Variants in PCDH15 observed in about 807,000 individuals in gnomAD.
The protein encoded by PCDH15 is protocadherin-15.
PCDH15 carries 129 observed loss-of-function variants against 178.5 expected under a neutral mutation model. The ratio of observed to expected loss-of-function variants is 0.72; its 90% confidence interval spans 0.63 to 0.84. The LOEUF (loss-of-function observed/expected upper bound fraction) is 0.84, where lower values mean the gene tolerates loss of function less well. PCDH15 is among the 40% of genes least tolerant of loss of function. PCDH15 has a pLI of 0.00. For missense variants in PCDH15, 2,230 were observed against 2,099.9 expected (o/e 1.06, Z -1.21); for synonymous variants, 800 against 732.0 (o/e 1.09, Z -1.50).
intron 18 of PCDH15, among the ~76,000 whole-genome samples, chr10:54,042,069 A>C (rs2093559596): frequency 6.6e-6 from 1 of 152,096 alleles, no homozygotes; most frequent in Non-Finnish European, 1.5e-5. Flanking sequence ...ATGACTGAAG[A>C]ATCATTCTCA....
intron 2 of PCDH15, among the ~76,000 whole-genome samples, chr10:55,477,635 G>A (rs1247871348): frequency 6.6e-6 from 1 of 151,888 alleles, no homozygotes; most frequent in Non-Finnish European, 1.5e-5. Flanking sequence ...CGCAAGAGAT[G>A]CCATCATTTA....
chr10:55,380,032 A>G (rs1565077929), intron 2 of PCDH15, among the ~76,000 whole-genome samples: 1 of 152,164 alleles, frequency 6.6e-6, no homozygotes. Flanking sequence ...GATTAAAAAA[A>G]TAAGTTAGAG....
At chr10:54,826,994 C>A (rs1055111531) in intron 3 of PCDH15, among the ~76,000 whole-genome samples, 1 of 152,042 alleles carries the variant, frequency 6.6e-6, no homozygotes, top group Non-Finnish European at 1.5e-5. Flanking sequence ...ATTTGTTTTT[C>A]CTACCAAAAA....
chr10:55,343,995 T>C (rs932173840), intron 2 of PCDH15, among the ~76,000 whole-genome samples: 5 of 151,988 alleles, frequency 3.3e-5, no homozygotes, highest in African/African-American at 1.2e-4. Flanking sequence ...AGAGGAGGTG[T>C]TATAATTTTA....
chr10:55,453,451 A>G (rs147041598), intron 2 of PCDH15, among the ~76,000 whole-genome samples: 2 of 152,292 alleles, frequency 1.3e-5, no homozygotes, highest in Non-Finnish European at 2.9e-5. Flanking sequence ...CAACCTCTTT[A>G]TGGTAACCTC....
chr10:55,123,358 C>T (rs537378143), intron 2 of PCDH15, among the ~76,000 whole-genome samples: 33 of 152,006 alleles, frequency 2.2e-4, no homozygotes, highest in Admixed American at 3.9e-4. Flanking sequence ...TAAGAATCAG[C>T]CTTCTCTAAT....
intron 3 of PCDH15, among the ~76,000 whole-genome samples, chr10:54,455,146 C>T (rs775903862): frequency 6.6e-6 from 1 of 152,092 alleles, no homozygotes; most frequent in South Asian, 2.1e-4. Flanking sequence ...GCCTCTCCAG[C>T]CCTGTGGAAC....
intron 3 of PCDH15, among the ~76,000 whole-genome samples, chr10:54,514,080 T>C (rs1429466376): frequency 6.6e-6 from 1 of 152,212 alleles, no homozygotes; most frequent in Non-Finnish European, 1.5e-5. Context: ...TTTGTTAACA[T>C]GAAAACAATT....
intron 2 of PCDH15, among the ~76,000 whole-genome samples, chr10:55,347,120 T>A (rs1268092052): frequency 6.6e-6 from 1 of 151,898 alleles, no homozygotes; most frequent in Non-Finnish European, 1.5e-5. Context: ...GAGGCTGTGC[T>A]GGGAGGATTG....
chr10:54,230,923 G>A (rs1277312069), intron 9 of PCDH15, among the ~76,000 whole-genome samples: 1 of 152,052 alleles, frequency 6.6e-6, no homozygotes, highest in African/African-American at 2.4e-5. Context: ...AAAGTCAGCA[G>A]ACTTTCTTAT....
chr10:54,600,599 C>A (rs1449189887), intron 2 of PCDH15: 4 of 586,100 alleles, frequency 6.8e-6, no homozygotes, highest in East Asian at 4.5e-5. Flanking sequence ...ATGAAGAGAC[C>A]TTTGAGGAGA....
At chr10:54,761,521 C>A (rs1179160801) in intron 1 of PCDH15, among the ~76,000 whole-genome samples, 1 of 151,720 alleles carries the variant, frequency 6.6e-6, no homozygotes, top group East Asian at 1.9e-4. Context: ...TGTCTCTACC[C>A]AAAATACAAA....
intron 3 of PCDH15, among the ~76,000 whole-genome samples, chr10:54,877,930 C>G (rs1954175063): frequency 2.4e-4 from 1 of 4,128 alleles, no homozygotes; most frequent in Admixed American, 3.7e-3. Context: ...CTCTTTCTCT[C>G]TCTCTCTCTT....
intron 1 of PCDH15, among the ~76,000 whole-genome samples, chr10:54,734,174 A>T (rs1481173012): frequency 2.0e-5 from 3 of 151,810 alleles, no homozygotes; most frequent in Non-Finnish European, 4.4e-5. Flanking sequence ...TCAATCCCCT[A>T]TCTGACAAAC....
At chr10:55,371,004 T>G (rs1312473070) in intron 2 of PCDH15, among the ~76,000 whole-genome samples, 1 of 152,112 alleles carries the variant, frequency 6.6e-6, no homozygotes, top group Non-Finnish European at 1.5e-5. Flanking sequence ...TTTTTTTGAT[T>G]TACGAAAATG....
At chr10:54,306,561 C>T (rs2060483491) in intron 8 of PCDH15, among the ~76,000 whole-genome samples, 1 of 151,968 alleles carries the variant, frequency 6.6e-6, no homozygotes, top group Admixed American at 6.6e-5. Flanking sequence ...TGGATGCAGC[C>T]AACCGATATC....
At chr10:53,962,393 T>C (rs754270804) in intron 21 of PCDH15, among the ~76,000 whole-genome samples, 3 of 152,070 alleles carry the variant, frequency 2.0e-5, no homozygotes, top group Non-Finnish European at 4.4e-5. Context: ...GAGAGGACTG[T>C]AGTAAAGTGC....
chr10:55,526,749 C>T (rs1589111130), intron 2 of PCDH15, among the ~76,000 whole-genome samples: 2 of 152,166 alleles, frequency 1.3e-5, no homozygotes, highest in South Asian at 4.1e-4. Flanking sequence ...TATTTTCAAA[C>T]TTGCCATTTC....
chr10:54,432,275 G>C (rs942344925), intron 3 of PCDH15, among the ~76,000 whole-genome samples: 2 of 128,388 alleles, frequency 1.6e-5, no homozygotes, highest in Non-Finnish European at 3.5e-5. Context: ...ATCAAAAAAA[G>C]AAACAAACAA....
Sources: allele counts gnomAD v4.1 joint callset (sites outside exome capture counted in the v4.1 genomes callset), GRCh38; gene constraint gnomAD v4.1.1; transcripts MANE v1.5; gene names NCBI Gene and HGNC (gene_info 2026-07-23, HGNC 2026-07-21).